The following MYO3A variants were observed in gnomAD, a reference collection of about 807,000 sequenced individuals.
MYO3A encodes myosin-IIIa.
Under a neutral mutation model 192.7 loss-of-function variants are expected in MYO3A, and 180 were observed. That is an observed-to-expected ratio of 0.93 (90% CI 0.83 to 1.06). The LOEUF (loss-of-function observed/expected upper bound fraction) is 1.06. Ranked by LOEUF, MYO3A falls within the 50% of genes least tolerant of loss-of-function variation. MYO3A has a pLI of 0.00. For missense variants in MYO3A, 1,896 were observed against 1,905.0 expected (o/e 1.00, Z 0.09); for synonymous variants, 628 against 645.3 (o/e 0.97, Z 0.41).
At chr10:26,147,283 G>C in intron 22 of MYO3A, 147 bp from the exon 23 acceptor site, 1 of 714,702 alleles carries the variant, frequency 1.4e-6, no homozygotes, top group Non-Finnish European at 2.4e-6. Flanking sequence ...AAGATGATAA[G>C]GGGCTACCTT....
intron 4 of MYO3A, among the ~76,000 whole-genome samples, chr10:25,959,714 C>T (rs191170955): frequency 6.6e-6 from 1 of 151,930 alleles, no homozygotes; most frequent in Non-Finnish European, 1.5e-5. Context: ...GTGCCTCTCC[C>T]AGATTACCCA....
chr10:26,047,333 C>T (rs1467558929), intron 10 of MYO3A, among the ~76,000 whole-genome samples: 1 of 152,104 alleles, frequency 6.6e-6, no homozygotes, highest in African/African-American at 2.4e-5. Flanking sequence ...AAAAAAGACA[C>T]ATATAACCTA....
At chr10:26,148,004 G>T (rs1322114544) in intron 23 of MYO3A, among the ~76,000 whole-genome samples, 1 of 152,126 alleles carries the variant, frequency 6.6e-6, no homozygotes, top group Admixed American at 6.5e-5. Context: ...TATAGTTTGG[G>T]TTGTTTTTCT....
Position 26,166,084 on chromosome 10 carries a change from A to G in MYO3A, c.3017A>G (p.Tyr1006Cys). ...ATTCCAAGGTACTACCTTCTCTGCT[A>G]CAAGTCGAGCGAGGAGCCCCGCATG... Reference protein sequence around the residue: ...NFIKRYYLLCYKSSEEPRMSP... With the variant: ...NFIKRYYLLCCKSSEEPRMSP... The change falls in exon 27 of 35, where the codon TAC (tyrosine) becomes TGC (cysteine). Residue 1006 changes from tyrosine to cysteine, a missense_variant. By Grantham distance (194) the Tyr-to-Cys change is radical (BLOSUM62 -2). Coordinates refer to ENST00000642920, the MANE Select transcript of MYO3A (RefSeq NM_017433.5). 1 of 1,614,148 alleles carries G rather than the reference A, an allele frequency of 6.2e-7. No homozygotes were observed. The highest frequency in any genetic ancestry group is 1.3e-5 in the African/African-American group (1 of 75,058).
At chr10:26,173,497 A>T (rs747988801) in intron 29 of MYO3A, among the ~76,000 whole-genome samples, 166 bp from the exon 30 acceptor site, 7 of 152,238 alleles carry the variant, frequency 4.6e-5, no homozygotes, top group Non-Finnish European at 8.8e-5. Flanking sequence ...ACCAGAGAGA[A>T]CATTCTGGAA....
At chr10:25,997,965 G>T (rs1449970977) in intron 6 of MYO3A, among the ~76,000 whole-genome samples, 1 of 152,198 alleles carries the variant, frequency 6.6e-6, no homozygotes, top group African/African-American at 2.4e-5. Flanking sequence ...TCCTGAAGAT[G>T]TCTCAGTATC....
intron 10 of MYO3A, among the ~76,000 whole-genome samples, chr10:26,040,547 G>A (rs888175661): frequency 6.6e-5 from 10 of 152,158 alleles, no homozygotes; most frequent in Admixed American, 1.3e-4. Flanking sequence ...TTTTGTTTCC[G>A]AAGTTAATAT....
chr10:26,122,402 A>G (rs1439668578), intron 18 of MYO3A, among the ~76,000 whole-genome samples: 1 of 152,228 alleles, frequency 6.6e-6, no homozygotes, highest in Non-Finnish European at 1.5e-5. Flanking sequence ...ATAAGGAATT[A>G]TGTCCAAACC....
intron 17 of MYO3A, among the ~76,000 whole-genome samples, chr10:26,103,598 C>T (rs1837611896): frequency 1.3e-5 from 2 of 152,144 alleles, no homozygotes; most frequent in African/African-American, 4.8e-5. Context: ...AGTTGATGGG[C>T]AACATTTGGG....
At chr10:26,184,165 G>T (rs1842755782) in intron 31 of MYO3A, among the ~76,000 whole-genome samples, 1 of 152,214 alleles carries the variant, frequency 6.6e-6, no homozygotes, top group African/African-American at 2.4e-5. Flanking sequence ...AGAACTGTGT[G>T]CAGCTCTCTT....
At chr10:25,989,391 G>A (rs984110211) in intron 4 of MYO3A, among the ~76,000 whole-genome samples, 16 of 151,966 alleles carry the variant, frequency 1.1e-4, no homozygotes, top group African/African-American at 3.6e-4. Flanking sequence ...CGGCTTCCAG[G>A]GCAGCAACAC....
At chr10:26,196,937 G>A (rs1843437933) in intron 32 of MYO3A, among the ~76,000 whole-genome samples, 1 of 152,120 alleles carries the variant, frequency 6.6e-6, no homozygotes, top group South Asian at 2.1e-4. Flanking sequence ...TCTTTGTTAG[G>A]AACATCTCAA....
chr10:26,021,223 C>A (rs747791793), intron 7 of MYO3A, among the ~76,000 whole-genome samples: 1 of 152,128 alleles, frequency 6.6e-6, no homozygotes, highest in Non-Finnish European at 1.5e-5. Context: ...ATTTGGGACA[C>A]GATTTCTTTC....
At chr10:26,035,980 C>G (rs989212428) in intron 10 of MYO3A, among the ~76,000 whole-genome samples, 4 of 151,994 alleles carry the variant, frequency 2.6e-5, no homozygotes, top group Non-Finnish European at 5.9e-5. Flanking sequence ...GTCGCCCAGG[C>G]TGGAGTGCAG....
Position 26,170,352 on chromosome 10 carries a change from T to C in MYO3A, c.3275-64T>C, listed in dbSNP as rs575003700. On this transcript the variant is annotated intron_variant, in intron 28 of 34. Transcript: ENST00000642920. ...CAATGGTCAAAGCCACCATTTCTAC[T>C]CTTTAAAGTAAATTTCTTTTATTTG... The C allele has an allele frequency of 3.2e-6, 5 of 1,564,692 alleles. No homozygotes were observed. The African/African-American group carries it at 6.9e-5, about 21-fold the overall frequency.
At chr10:26,190,744 C>A (rs1457178030) in intron 31 of MYO3A, among the ~76,000 whole-genome samples, 1 of 152,034 alleles carries the variant, frequency 6.6e-6, no homozygotes, top group African/African-American at 2.4e-5. Flanking sequence ...AGATAAAGGA[C>A]CTTTGGATTT....
chr10:26,193,151 A>T, intron 31 of MYO3A, 54 bp from the exon 32 acceptor site: 3 of 1,313,626 alleles, frequency 2.3e-6, no homozygotes, highest in Non-Finnish European at 3.3e-6. Flanking sequence ...GGAAAACATC[A>T]CTTGATAATA....
chr10:26,159,179 A>G (rs1841338163), intron 26 of MYO3A, among the ~76,000 whole-genome samples: 1 of 150,178 alleles, frequency 6.7e-6, no homozygotes, highest in Admixed American at 6.6e-5. Context: ...TTTAGTAGAG[A>G]CGGGGTTTCA....
rs553101939 is a variant in MYO3A at position 25,970,503 on chromosome 10, G to A, written c.303+15495G>A. Among the ~76,000 whole-genome samples the A allele has an allele frequency of 2.0e-4, 30 of 151,762 alleles. No homozygotes were observed. In the South Asian group the frequency reaches 3.1e-3, roughly 16 times the overall value. ...TATTAGAAAAAAAAGATTTAATATC[G>A]GTTATATAGATTTTTGCCTTAAGAA... On this transcript the variant is annotated intron_variant, in intron 4 of 34. Coordinates refer to ENST00000642920, the MANE Select transcript of MYO3A (RefSeq NM_017433.5).
Sources: allele counts gnomAD v4.1 joint callset (sites outside exome capture counted in the v4.1 genomes callset), GRCh38; gene constraint gnomAD v4.1.1; transcripts MANE v1.5; gene names NCBI Gene and HGNC (gene_info 2026-07-23, HGNC 2026-07-21).